Variants in LANCL1 observed in about 807,000 individuals in gnomAD.
The protein encoded by LANCL1 is glutathione S-transferase LANCL1.
LANCL1 carries 50 observed loss-of-function variants against 50.6 expected under a neutral mutation model. The observed-to-expected ratio is 0.99, with a 90% CI of 0.79 to 1.25. The LOEUF (loss-of-function observed/expected upper bound fraction) is 1.25, where lower values mean the gene tolerates loss of function less well. LANCL1 is among the 50% of genes most tolerant of loss of function. The pLI is 0.00. For synonymous variants in LANCL1, 188 were observed against 178.6 expected (o/e 1.05, Z -0.42); for missense variants, 532 against 480.7 (o/e 1.11, Z -1.00).
At chr2:210,445,909 G>A (rs1406614903) in intron 4 of LANCL1, among the ~76,000 whole-genome samples, 2 of 152,160 alleles carry the variant, frequency 1.3e-5, no homozygotes, top group Non-Finnish European at 2.9e-5. Context: ...TTTAAAAACA[G>A]ATGTCCAGTG....
chr2:210,447,964 A>G (rs1447271946), intron 4 of LANCL1, among the ~76,000 whole-genome samples: 1 of 152,202 alleles, frequency 6.6e-6, no homozygotes, highest in East Asian at 1.9e-4. Flanking sequence ...AAAATTAACA[A>G]GGATATTCAC....
Position 210,434,406 on chromosome 2 carries a change from G to T in LANCL1, c.*81C>A. The T allele has an allele frequency of 9.7e-7, 1 of 1,031,040 alleles. No homozygotes were observed. Among genetic ancestry groups the T allele is most frequent in the Non-Finnish European group, 1.4e-6 (1 of 693,982 alleles). The allele number at this position is 1,031,040 out of a possible 1,614,324, so 63.9% of individuals were successfully genotyped here. A position where few individuals can be genotyped will look rare whatever the true frequency, so the allele number is the denominator to read the frequency against. On this transcript the variant is annotated 3_prime_UTR_variant, in exon 10 of 10. Transcript: ENST00000450366. ...CCACAGTTTGACTCTTTGTTTCCTT[G>T]GAAAGCAACGGAAGCACTTAGCTTG...
rs182044267 is a variant in LANCL1, at chr2:210,441,367, G to A, written c.484C>T (p.Leu162Phe). The change falls in exon 5 of 10, where the codon CTT becomes TTT. Residue 162 changes from leucine to phenylalanine, a missense_variant. By Grantham distance (22) the Leu-to-Phe change is conservative. Coordinates refer to ENST00000450366, the MANE Select transcript of LANCL1 (RefSeq NM_006055.3). ...CCAAAGTTCTTATTGACAAAAAGAAGAGCATAGATGTAGCCTATTCGCCCA... is the reference window on the plus strand; with the variant it reads ...CCAAAGTTCTTATTGACAAAAAGAAAAGCATAGATGTAGCCTATTCGCCCA... ...LYGRIGYIYA[L>F]LFVNKNFGVE... is the part of the protein sequence containing the mutation. 237 of 1,613,150 alleles carry A rather than the reference G, an allele frequency of 1.5e-4. 3 individuals are homozygous for A. In the East Asian group the frequency reaches 4.7e-3, roughly 32 times the overall value.
At chr2:210,473,950 G>A (rs1694289560) in intron 2 of LANCL1, among the ~76,000 whole-genome samples, 1 of 152,194 alleles carries the variant, frequency 6.6e-6, no homozygotes, top group African/African-American at 2.4e-5. Flanking sequence ...CATCTATATT[G>A]AGAACACGTC....
chr2:210,471,822 C>A, intron 3 of LANCL1, 137 bp downstream of exon 3: 2 of 754,034 alleles, frequency 2.7e-6, no homozygotes, highest in South Asian at 1.5e-5. Flanking sequence ...GAGGGCACAG[C>A]ACTCTCCCAG....
At chr2:210,477,291 A>G (rs1418462752), upstream of LANCL1, among the ~76,000 whole-genome samples, 1 of 152,218 alleles carries the variant, frequency 6.6e-6, no homozygotes, top group Non-Finnish European at 1.5e-5. Flanking sequence ...TAGGAAATTT[A>G]TTCTGTTCCT....
At chr2:210,466,315 C>T (rs773069378) in intron 3 of LANCL1, among the ~76,000 whole-genome samples, 1 of 152,174 alleles carries the variant, frequency 6.6e-6, no homozygotes, top group Non-Finnish European at 1.5e-5. Flanking sequence ...ATAAATAGTA[C>T]TTTACGGAAC....
chr2:210,451,764 G>A (rs1041270049), intron 4 of LANCL1, among the ~76,000 whole-genome samples: 17 of 151,874 alleles, frequency 1.1e-4, no homozygotes, highest in African/African-American at 3.9e-4. Context: ...TCCTTCTCCA[G>A]AACCTACTAA....
At chr2:210,457,202 G>T (rs568581180) in intron 3 of LANCL1, among the ~76,000 whole-genome samples, 1 of 152,092 alleles carries the variant, frequency 6.6e-6, no homozygotes, top group Non-Finnish European at 1.5e-5. Flanking sequence ...GAGTGCTGCT[G>T]CCAATTAGAA....
intron 3 of LANCL1, among the ~76,000 whole-genome samples, chr2:210,471,176 A>C (rs1010136980): frequency 6.6e-6 from 1 of 150,402 alleles, no homozygotes; most frequent in Non-Finnish European, 1.5e-5. Flanking sequence ...CCTCCTGAGT[A>C]GCTGGGACTA....
chr2:210,451,713 T>G (rs1267496823), intron 4 of LANCL1, among the ~76,000 whole-genome samples: 1 of 152,148 alleles, frequency 6.6e-6, no homozygotes, highest in Non-Finnish European at 1.5e-5. Flanking sequence ...AAAGCCCCCA[T>G]AGCACTCACA....
At chr2:210,455,810 GTTTT>G (rs60277321) in intron 3 of LANCL1, among the ~76,000 whole-genome samples, 1 of 125,948 alleles carries the variant, frequency 7.9e-6, no homozygotes, top group Admixed American at 8.0e-5. Flanking sequence ...GTGTGTGTGT[GTTTT>G]TTTTTTTTTT....
At chr2:210,452,568 T>C (rs565725897) in intron 4 of LANCL1, among the ~76,000 whole-genome samples, 8 of 152,258 alleles carry the variant, frequency 5.3e-5, no homozygotes, top group Non-Finnish European at 7.4e-5. Context: ...TGGGGAGTTA[T>C]AGATCCCTTT....
intron 2 of LANCL1, among the ~76,000 whole-genome samples, chr2:210,475,310 CTT>C (rs1448185677): frequency 6.6e-6 from 1 of 152,084 alleles, no homozygotes; most frequent in East Asian, 1.9e-4. Context: ...TTGTTTCCAA[CTT>C]AACTCATTTT....
At chr2:210,454,404 G>C (rs1037913421) in intron 4 of LANCL1, among the ~76,000 whole-genome samples, 6 of 152,138 alleles carry the variant, frequency 3.9e-5, no homozygotes, top group Non-Finnish European at 5.9e-5. Flanking sequence ...CTAAATTGGT[G>C]ATGGTAATGC....
Position 210,433,517 on chromosome 2 carries a change from A to G in LANCL1, c.*970T>C, listed in dbSNP as rs1306487424. The G allele has an allele frequency of 6.6e-6, 1 of 152,214 alleles. No homozygotes were observed. The highest frequency in any genetic ancestry group is 2.4e-5 in the African/African-American group (1 of 41,448). The allele number at this position is 152,214 out of a possible 1,614,324, so 9.4% of individuals were successfully genotyped here. ...AAAAGACCAAAGTTCAGATAAATTGATAGGAAGGAAAATATTTTATGGCTT... is the reference window on the plus strand; with the variant it reads ...AAAAGACCAAAGTTCAGATAAATTGGTAGGAAGGAAAATATTTTATGGCTT... On this transcript the variant is annotated 3_prime_UTR_variant, in exon 10 of 10. Transcript: ENST00000450366.
chr2:210,436,151 A>G, intron 8 of LANCL1, 65 bp downstream of exon 8: 1 of 1,434,458 alleles, frequency 7.0e-7, no homozygotes, highest in Non-Finnish European at 9.7e-7. Flanking sequence ...TCAGCCTCCC[A>G]AAGTGCTGAG....
At chr2:210,445,305 A>G (rs910287868) in intron 4 of LANCL1, among the ~76,000 whole-genome samples, 8 of 152,344 alleles carry the variant, frequency 5.3e-5, no homozygotes, top group Middle Eastern at 6.8e-3. Context: ...TAGGACATAC[A>G]TTACCACTAG....
chr2:210,439,724 G>A (rs183893863), intron 6 of LANCL1, among the ~76,000 whole-genome samples: 1 of 152,216 alleles, frequency 6.6e-6, no homozygotes, highest in East Asian at 1.9e-4. Context: ...TTTATTTATA[G>A]GTAGAGGGCA....
Sources: allele counts gnomAD v4.1 joint callset (sites outside exome capture counted in the v4.1 genomes callset), GRCh38; gene constraint gnomAD v4.1.1; transcripts MANE v1.5; gene names NCBI Gene and HGNC (gene_info 2026-07-23, HGNC 2026-07-21).